The following TSPEAR variants were observed in gnomAD, a reference collection of about 807,000 sequenced individuals.
TSPEAR encodes thrombospondin type laminin G domain and EAR repeats.
Under a neutral mutation model 71.6 loss-of-function variants are expected in TSPEAR, and 69 were observed. The ratio of observed to expected loss-of-function variants is 0.96; its 90% confidence interval spans 0.79 to 1.18. The LOEUF is 1.18. TSPEAR is among the 50% of genes most tolerant of loss of function. TSPEAR has a pLI of 0.00. For synonymous variants in TSPEAR, 402 were observed against 387.2 expected, an observed-to-expected ratio of 1.04 and a Z score of -0.45; for missense variants, 971 against 894.9, an observed-to-expected ratio of 1.09 and a Z score of -1.09.
At chr21:44,602,243 C>T (rs116856271) in intron 1 of TSPEAR, 4,138 of 176,044 alleles carry the variant, frequency 0.024, 78 homozygotes, top group Non-Finnish European at 0.035. Context: ...CGCGGGTGGT[C>T]CTGGGCTGCT....
chr21:44,515,330 C>T, intron 9 of TSPEAR, among the ~76,000 whole-genome samples: 1 of 152,346 alleles, frequency 6.6e-6, no homozygotes, highest in Non-Finnish European at 1.5e-5. Context: ...CCAGCGCCTT[C>T]CCAGGGCCCT....
rs527249765 is a variant in TSPEAR, at chr21:44,681,471, T to A, written c.82+29962A>T. The A allele has an allele frequency of 1.5e-4, 30 of 206,616 alleles. 1 individual carries two copies. Among genetic ancestry groups the A allele is most frequent in the African/African-American group, 6.9e-4 (30 of 43,700 alleles). The allele number at this position is 206,616 out of a possible 1,614,324, so 12.8% of individuals were successfully genotyped here. A position where few individuals can be genotyped will look rare whatever the true frequency, so the allele number is the denominator to read the frequency against. Reference sequence around the variant, plus strand: ...CGGGACACCACCTTCTGATGAGCACTGGGTGAAGGGATCACTGAAGAGGGT... The same window carrying A: ...CGGGACACCACCTTCTGATGAGCACAGGGTGAAGGGATCACTGAAGAGGGT... On this transcript the variant is annotated intron_variant, in intron 1 of 11. Coordinates refer to ENST00000323084, the MANE Select transcript of TSPEAR (RefSeq NM_144991.3).
At chr21:44,549,933 C>G (rs587661950) in intron 2 of TSPEAR, among the ~76,000 whole-genome samples, 1 of 152,322 alleles carries the variant, frequency 6.6e-6, no homozygotes, top group South Asian at 2.1e-4. Flanking sequence ...GCGCAGGAGG[C>G]CAGGATGCCC....
At chr21:44,656,429 T>A (rs78388416) in intron 1 of TSPEAR, among the ~76,000 whole-genome samples, 1,854 of 152,096 alleles carry the variant, frequency 0.012, 46 homozygotes, top group African/African-American at 0.043. Flanking sequence ...TTTGAAGGAT[T>A]TTTTTCATAG....
intron 2 of TSPEAR, chr21:44,558,116 G>C (rs2053566097): frequency 6.2e-7 from 1 of 1,612,364 alleles, no homozygotes; most frequent in Non-Finnish European, 8.5e-7. Context: ...AGCACGTGGG[G>C]CGGCAGAGGA....
intron 1 of TSPEAR, among the ~76,000 whole-genome samples, chr21:44,628,492 T>C (rs1215301223): frequency 2.9e-3 from 445 of 152,160 alleles, no homozygotes; most frequent in Middle Eastern, 0.01. Flanking sequence ...CTGGGGGGCC[T>C]CGGGGGGCTC....
intron 1 of TSPEAR, chr21:44,580,311 C>A (rs782464076): frequency 4.3e-6 from 7 of 1,613,872 alleles, no homozygotes; most frequent in Non-Finnish European, 5.9e-6. Context: ...CAGACGGGCA[C>A]GCAGCAGGCC....
intron 1 of TSPEAR, among the ~76,000 whole-genome samples, chr21:44,643,251 A>C (rs587745434): frequency 6.6e-6 from 1 of 152,314 alleles, no homozygotes; most frequent in Admixed American, 6.5e-5. Flanking sequence ...TTCGAGGGCC[A>C]GGGGGTGCAG....
rs782728227 is a variant in TSPEAR, at chr21:44,556,324, G to A, written c.303+11461C>T. ...CCGGGAGGCAGAAGTTGTACTGAGC[G>A]GAGATTGCTCCACTGCACTCTAGCC... is the stretch of plus-strand genomic sequence containing the variant. On this transcript the variant is annotated intron_variant, in intron 2 of 11. Transcript: ENST00000323084. 1.1e-4 allele frequency among the ~76,000 whole-genome samples: 17 copies of A among 152,088 alleles called. 1 individual carries two copies. In the South Asian group the frequency reaches 1.9e-3, roughly 17 times the overall value.
intron 1 of TSPEAR, among the ~76,000 whole-genome samples, chr21:44,691,293 C>T (rs1356155726): frequency 1.3e-5 from 2 of 152,200 alleles, no homozygotes; most frequent in African/African-American, 4.8e-5. Context: ...GAATGGCACT[C>T]ACCCCTATGT....
intron 1 of TSPEAR, among the ~76,000 whole-genome samples, chr21:44,570,613 G>A (rs2053778747): frequency 6.6e-6 from 1 of 152,168 alleles, no homozygotes; most frequent in South Asian, 2.1e-4. Context: ...AAGAAGAAAG[G>A]TATTGAATCC....
In TSPEAR at chr21:44,573,874, C is replaced by A. The variant is rs782300367; in HGVS notation, c.83-5869G>T. On this transcript the variant is annotated intron_variant, in intron 1 of 11. Coordinates refer to ENST00000323084, the MANE Select transcript of TSPEAR (RefSeq NM_144991.3). ...GACTGCCCAGAGAGCTGCTGCGAGCCCCCCTGCTGCGCCCCCAGCTGCTGC... is the reference window on the plus strand; with the variant it reads ...GACTGCCCAGAGAGCTGCTGCGAGCACCCCTGCTGCGCCCCCAGCTGCTGC... 1.5e-5 allele frequency: 25 copies of A among 1,613,440 alleles called. No homozygotes were observed. The South Asian group carries it at 2.3e-4, about 15-fold the overall frequency.
chr21:44,658,117 G>A (rs1555942925), intron 1 of TSPEAR: 2 of 1,613,578 alleles, frequency 1.2e-6, no homozygotes, highest in Admixed American at 1.7e-5. Context: ...TTGTGTGCGT[G>A]GCTCCCTCCT....
chr21:44,661,308 T>G (rs1555943559), intron 1 of TSPEAR, among the ~76,000 whole-genome samples: 1 of 145,444 alleles, frequency 6.9e-6, no homozygotes, highest in Non-Finnish European at 1.5e-5. Context: ...AAAAAAGCAT[T>G]ATAACTAATT....
At chr21:44,675,959 C>T (rs1986294987) in intron 1 of TSPEAR, 6 of 821,166 alleles carry the variant, frequency 7.3e-6, no homozygotes, top group Admixed American at 1.7e-5. Context: ...TAGGGTTATT[C>T]GGGCTTCCTT....
Position 44,583,755 on chromosome 21 carries a change from G to A in TSPEAR, c.83-15750C>T, listed in dbSNP as rs115655799. 8.1e-3 allele frequency among the ~76,000 whole-genome samples: 1,226 copies of A among 151,980 alleles called. 14 individuals carry two copies. The highest frequency in any genetic ancestry group is 0.028 in the African/African-American group (1,161 of 41,464). On this transcript the variant is annotated intron_variant, in intron 1 of 11. Transcript: ENST00000323084. ...TTATTGAGATGTAATTGACAAATAA[G>A]AATTATATAAATTCAGGATGTCTTG...
At chr21:44,588,321 A>G (rs1979476241) in intron 1 of TSPEAR, among the ~76,000 whole-genome samples, 2 of 152,246 alleles carry the variant, frequency 1.3e-5, no homozygotes, top group African/African-American at 4.8e-5. Flanking sequence ...CAAAACCACA[A>G]TGGGATACCA....
At chr21:44,602,573 G>A (rs367607358) in intron 1 of TSPEAR, among the ~76,000 whole-genome samples, 10 of 152,204 alleles carry the variant, frequency 6.6e-5, no homozygotes, top group African/African-American at 2.2e-4. Context: ...GGCTCCCCCC[G>A]GCCCCGCCTC....
chr21:44,574,543 C>A, intron 1 of TSPEAR: 2 of 1,609,356 alleles, frequency 1.2e-6, no homozygotes, highest in Non-Finnish European at 1.7e-6. Flanking sequence ...GCTTGCTGCA[C>A]CTCCTCTCCC....
Sources: gnomAD v4.1 joint callset for allele counts (sites outside exome capture counted in the v4.1 genomes callset) on GRCh38, gnomAD v4.1.1 for gene constraint, MANE v1.5 for transcripts, NCBI Gene and HGNC (gene_info 2026-07-23, HGNC 2026-07-21) for gene names.